RGS5: variants seen among roughly 807,000 people sequenced by gnomAD.
RGS5 encodes the protein regulator of G protein signaling 5.
RGS5 carries 20 observed loss-of-function variants against 18.9 expected under a neutral mutation model. That is an observed-to-expected ratio of 1.06 (90% CI 0.74 to 1.54). RGS5 has a LOEUF of 1.54. Ranked by LOEUF, RGS5 falls within the 40% of genes most tolerant of loss-of-function variation. The pLI is 0.00. For synonymous variants in RGS5, 57 were observed against 76.2 expected (o/e 0.75, Z 1.31); for missense variants, 201 against 211.8 (o/e 0.95, Z 0.32).
intron 1 of RGS5, among the ~76,000 whole-genome samples, chr1:163,190,885 C>A (rs759171666): frequency 7.9e-5 from 12 of 152,108 alleles, no homozygotes; most frequent in Non-Finnish European, 1.8e-4. Flanking sequence ...ACATGGGGCA[C>A]AGCTTTATGG....
intron 2 of RGS5, among the ~76,000 whole-genome samples, chr1:163,272,627 T>A (rs1648750569): frequency 6.6e-6 from 1 of 152,086 alleles, no homozygotes; most frequent in African/African-American, 2.4e-5. Context: ...TTGTGGTTTA[T>A]ATTTAATTAT....
intron 2 of RGS5, among the ~76,000 whole-genome samples, chr1:163,277,179 C>T (rs1166047533): frequency 6.6e-6 from 1 of 152,210 alleles, no homozygotes; most frequent in Non-Finnish European, 1.5e-5. Context: ...TTTCAACCAA[C>T]TGCCAATCAG....
At chr1:163,163,555 C>T (rs1657903032) in intron 2 of RGS5, among the ~76,000 whole-genome samples, 3 of 152,034 alleles carry the variant, frequency 2.0e-5, no homozygotes, top group Non-Finnish European at 4.4e-5. Context: ...TTATTTCTAA[C>T]CAGAAAAGGA....
chr1:163,184,654 TAAG>T (rs1658996275), intron 1 of RGS5, among the ~76,000 whole-genome samples: 1 of 152,090 alleles, frequency 6.6e-6, no homozygotes, highest in South Asian at 2.1e-4. Flanking sequence ...AGAATCCTTG[TAAG>T]AAGAAGGCAG....
At chr1:163,175,058 G>A (rs973107984) in intron 1 of RGS5, among the ~76,000 whole-genome samples, 2 of 152,162 alleles carry the variant, frequency 1.3e-5, no homozygotes, top group Middle Eastern at 3.2e-3. Context: ...GTTCCAGGCT[G>A]CTTCCTTCTG....
chr1:163,266,166 C>T lies in RGS5; in HGVS notation c.-281+40067G>A, dbSNP rs1002540531. Among the ~76,000 whole-genome samples the T allele has an allele frequency of 4.6e-5, 7 of 152,196 alleles. No individual in the cohort carries two copies. The East Asian group carries it at 1.4e-3, about 29-fold the overall frequency. On this transcript the variant is annotated intron_variant, in intron 2 of 5. Coordinates refer to the RGS5 transcript ENST00000618415. Reference sequence around the variant, plus strand: ...TTTTTATTACAACCCCAATTTATGGCAAGACCCAGACCCCGGCATCTAAGT... The same window carrying T: ...TTTTTATTACAACCCCAATTTATGGTAAGACCCAGACCCCGGCATCTAAGT...
chr1:163,291,055 T>A (rs1018333576), intron 2 of RGS5, among the ~76,000 whole-genome samples: 12 of 151,974 alleles, frequency 7.9e-5, no homozygotes, highest in African/African-American at 2.4e-4. Flanking sequence ...GTTTATATCA[T>A]GTGAATCCCC....
chr1:163,273,621 G>A (rs1376054107), intron 2 of RGS5, among the ~76,000 whole-genome samples: 2 of 151,938 alleles, frequency 1.3e-5, no homozygotes, highest in African/African-American at 4.8e-5. Context: ...CATTAGTTCT[G>A]TGAATAGTTT....
chr1:163,249,960 C>T (rs1648063217), intron 2 of RGS5, among the ~76,000 whole-genome samples: 1 of 152,104 alleles, frequency 6.6e-6, no homozygotes, highest in Non-Finnish European at 1.5e-5. Context: ...TCTCAGCTGC[C>T]CTAGCTCAGT....
intron 1 of RGS5, among the ~76,000 whole-genome samples, chr1:163,213,776 A>G (rs1050026665): frequency 7.2e-5 from 11 of 152,104 alleles, no homozygotes; most frequent in Non-Finnish European, 2.9e-5. Flanking sequence ...TATTCAGGGG[A>G]AAGCCCCCCT....
chr1:163,199,095 C>T (rs766643635), intron 1 of RGS5, among the ~76,000 whole-genome samples: 10 of 151,956 alleles, frequency 6.6e-5, no homozygotes, highest in Non-Finnish European at 1.5e-4. Context: ...CAAAAGAAGC[C>T]TAAAATTCAA....
At chr1:163,285,982 C>T (rs529692337) in intron 2 of RGS5, among the ~76,000 whole-genome samples, 27 of 136,016 alleles carry the variant, frequency 2.0e-4, no homozygotes, top group African/African-American at 7.1e-4. Context: ...CAGACTCATA[C>T]AAGTATTTAA....
In RGS5 at chr1:163,213,973, A is replaced by G. The variant is rs539004947; in HGVS notation, c.69+3553T>C. Among the ~76,000 whole-genome samples, 5 of 152,300 alleles carry G rather than the reference A, an allele frequency of 3.3e-5. No individual in the cohort carries two copies. The South Asian group carries it at 1.0e-3, about 32-fold the overall frequency. On this transcript the variant is annotated intron_variant, in intron 1 of 5. Coordinates refer to the RGS5 transcript ENST00000367903. ...TCCTATTCTTTGAGATTAACTGATC[A>G]AGTAACCCCATTAAAATAATCTTTT...
At chr1:163,149,196 A>G (rs1279494884) in intron 4 of RGS5, among the ~76,000 whole-genome samples, 1 of 152,228 alleles carries the variant, frequency 6.6e-6, no homozygotes, top group Non-Finnish European at 1.5e-5. Context: ...ATGAAGTCCA[A>G]TGTCTGCCTT....
intron 2 of RGS5, among the ~76,000 whole-genome samples, chr1:163,278,269 T>A (rs929578046): frequency 5.3e-5 from 8 of 152,022 alleles, no homozygotes; most frequent in Non-Finnish European, 1.2e-4. Context: ...AGAAAAGCAT[T>A]AAGTTACATA....
At chr1:163,295,323 C>T (rs936156231) in intron 2 of RGS5, among the ~76,000 whole-genome samples, 1 of 152,124 alleles carries the variant, frequency 6.6e-6, no homozygotes, top group Admixed American at 6.5e-5. Context: ...TAGAAACCTT[C>T]TTGACTGGCT....
chr1:163,302,126 CAATAA>C (rs1649569288), intron 2 of RGS5, among the ~76,000 whole-genome samples: 2 of 151,410 alleles, frequency 1.3e-5, no homozygotes, highest in East Asian at 3.9e-4. Flanking sequence ...TCACCTGCTA[CAATAA>C]AATAAGATAC....
intron 1 of RGS5, among the ~76,000 whole-genome samples, chr1:163,192,490 G>A (rs1019233199): frequency 2.0e-5 from 3 of 147,454 alleles, no homozygotes; most frequent in Admixed American, 1.3e-4. Context: ...AGACCTATTC[G>A]CCTTAAAGTG....
At chr1:163,257,153 G>T (rs1291294574) in intron 2 of RGS5, among the ~76,000 whole-genome samples, 1 of 152,064 alleles carries the variant, frequency 6.6e-6, no homozygotes, top group Admixed American at 6.6e-5. Flanking sequence ...GTCTAATTAG[G>T]ACAACTAAAG....
Sources: allele counts gnomAD v4.1 joint callset (sites outside exome capture counted in the v4.1 genomes callset), GRCh38; gene constraint gnomAD v4.1.1; transcripts MANE v1.5; gene names NCBI Gene and HGNC (gene_info 2026-07-23, HGNC 2026-07-21).